LUZP1: variants seen among roughly 807,000 people sequenced by gnomAD.
The protein encoded by LUZP1 is filamin mechanobinding actin cross-linking protein.
A neutral mutation model predicts 71.3 loss-of-function variants in LUZP1; 25 were observed. The observed-to-expected ratio is 0.35, with a 90% CI of 0.26 to 0.49. The LOEUF (loss-of-function observed/expected upper bound fraction) is 0.49. Among genes scored for constraint, LUZP1 ranks in the 20% least tolerant of loss-of-function variants. LUZP1 has a pLI of 0.99. For missense variants in LUZP1, 1,142 were observed against 1,300.8 expected, an observed-to-expected ratio of 0.88 and a Z score of 1.88; for synonymous variants, 481 against 506.4, an observed-to-expected ratio of 0.95 and a Z score of 0.67.
intron 1 of LUZP1, among the ~76,000 whole-genome samples, chr1:23,172,972 G>A (rs1313074883): frequency 1.3e-5 from 2 of 150,820 alleles, no homozygotes; most frequent in Non-Finnish European, 3.0e-5. Context: ...ACAGGCCTGC[G>A]ACACCATGCC....
chr1:23,131,839 T>C (rs907059515), intron 2 of LUZP1, among the ~76,000 whole-genome samples: 1 of 152,070 alleles, frequency 6.6e-6, no homozygotes, highest in Non-Finnish European at 1.5e-5. Context: ...GCGCATGCCA[T>C]CACACCCAGC....
intron 2 of LUZP1, among the ~76,000 whole-genome samples, chr1:23,119,644 T>G (rs2124663431): frequency 6.6e-6 from 1 of 152,236 alleles, no homozygotes; most frequent in Non-Finnish European, 1.5e-5. Context: ...TGTCTACTTG[T>G]TACTCTCCTG....
intron 2 of LUZP1, among the ~76,000 whole-genome samples, 188 bp from the exon 2 acceptor site, chr1:23,109,315 A>G (rs1644009545): frequency 6.6e-6 from 1 of 152,200 alleles, no homozygotes; most frequent in Admixed American, 6.5e-5. Context: ...CTCTCTCAGG[A>G]AAGTCAAGAA....
intron 1 of LUZP1, among the ~76,000 whole-genome samples, chr1:23,169,971 T>TACACACACACACAC (rs35087847): frequency 6.7e-5 from 10 of 149,324 alleles, no homozygotes; most frequent in African/African-American, 2.2e-4. Context: ...TTCCTACCTT[T>TACACACACACACAC]ACACACACAC....
At chr1:23,119,336 A>G (rs1229624337) in intron 2 of LUZP1, among the ~76,000 whole-genome samples, 1 of 139,848 alleles carries the variant, frequency 7.2e-6, no homozygotes, top group African/African-American at 2.8e-5. Flanking sequence ...ACAGCTCACT[A>G]TAACCTCGAA....
At chr1:23,171,127 AT>A (rs1644550748) in intron 1 of LUZP1, among the ~76,000 whole-genome samples, 2 of 116,176 alleles carry the variant, frequency 1.7e-5, no homozygotes, top group Non-Finnish European at 3.4e-5. Context: ...TAATTACTGT[AT>A]GATTTATATA....
At chr1:23,086,607 A>T (rs1643770388) in exon 5 of LUZP1, 1 of 152,656 alleles carries the variant, frequency 6.6e-6, no homozygotes, top group Non-Finnish European at 1.5e-5. Flanking sequence ...AGCAGAGAAG[A>T]GCCACAGACT....
chr1:23,166,649 G>A (rs1644512182), intron 2 of LUZP1, among the ~76,000 whole-genome samples: 1 of 82,428 alleles, frequency 1.2e-5, no homozygotes, highest in Non-Finnish European at 2.0e-5. Context: ...AGAGCACTCC[G>A]TCTCAAAAAA....
chr1:23,086,126 A>G (rs1643761770), exon 5 of LUZP1: 1 of 152,278 alleles, frequency 6.6e-6, no homozygotes, highest in Non-Finnish European at 1.5e-5. Flanking sequence ...AGGACCCCTG[A>G]TGATGAGGCC....
chr1:23,138,693 GTGTGTA>G (rs1376632508), intron 2 of LUZP1, among the ~76,000 whole-genome samples: 13 of 107,240 alleles, frequency 1.2e-4, no homozygotes, highest in African/African-American at 7.1e-4. Flanking sequence ...GTGTGTGTGT[GTGTGTA>G]TATATATATA....
chr1:23,110,898 G>C (rs1488750207), intron 2 of LUZP1, among the ~76,000 whole-genome samples: 1 of 152,074 alleles, frequency 6.6e-6, no homozygotes, highest in Non-Finnish European at 1.5e-5. Flanking sequence ...CTCCCAAAGA[G>C]AAGAGTTACT....
intron 2 of LUZP1, among the ~76,000 whole-genome samples, chr1:23,114,679 G>T (rs1161835863): frequency 6.6e-6 from 1 of 152,212 alleles, no homozygotes; most frequent in African/African-American, 2.4e-5. Flanking sequence ...TTGCCAACAA[G>T]AAGGAATGAA....
At chr1:23,090,121 T>C (rs1026181344) in intron 4 of LUZP1, among the ~76,000 whole-genome samples, 2 of 102,750 alleles carry the variant, frequency 1.9e-5, no homozygotes, top group Non-Finnish European at 3.9e-5. Flanking sequence ...AAGAATAACA[T>C]AGGCATGAGT....
At chr1:23,152,313 T>C (rs1334055750) in intron 2 of LUZP1, among the ~76,000 whole-genome samples, 1 of 152,168 alleles carries the variant, frequency 6.6e-6, no homozygotes, top group African/African-American at 2.4e-5. Context: ...ACTGTATTTT[T>C]TTCCAAATGA....
In LUZP1 at chr1:23,169,378, G is replaced by C. The variant is rs144197710; in HGVS notation, c.-484-354C>G. Among the ~76,000 whole-genome samples the C allele has an allele frequency of 6.6e-4, 101 of 152,244 alleles. 1 individual carries two copies. The highest frequency in any genetic ancestry group is 2.4e-3 in the African/African-American group (98 of 41,550). On this transcript the variant is annotated intron_variant, in intron 1 of 4. Coordinates refer to ENST00000302291, the Ensembl canonical transcript of LUZP1. ...GAAAAAAGCGGGACACTCTCAGTAGGGTTGTGAGGATTAAATGAGATAATC... is the reference window on the plus strand; with the variant it reads ...GAAAAAAGCGGGACACTCTCAGTAGCGTTGTGAGGATTAAATGAGATAATC...
intron 2 of LUZP1, among the ~76,000 whole-genome samples, chr1:23,147,612 C>CAAAAA (rs774893320): frequency 4.9e-5 from 3 of 61,430 alleles, no homozygotes; most frequent in African/African-American, 1.3e-4. Context: ...AGTCTCTACC[C>CAAAAA]AAAAAAAAAA....
rs1012806562 is a variant in LUZP1, at chr1:23,092,767, C to G, written c.1495G>C (p.Gly499Arg). 8 of 1,613,888 alleles carry G rather than the reference C, an allele frequency of 5.0e-6. No individual in the cohort carries two copies. In the South Asian group the frequency reaches 6.6e-5, roughly 13 times the overall value. The change falls in exon 4 of 5, where the codon GGA (glycine) becomes CGA (arginine). Residue 499 changes from glycine to arginine, a missense_variant. Gly to Arg is a moderately radical substitution (Grantham distance 125). Coordinates refer to ENST00000302291, the Ensembl canonical transcript of LUZP1. ...GTCTTCTCCACTTTTCCCTTCAGTC[C>G]GCTCTCGGTGCCTGGCTTGGAAGTC...
chr1:23,123,991 TA>T (rs1469106806), intron 2 of LUZP1, among the ~76,000 whole-genome samples: 1 of 152,148 alleles, frequency 6.6e-6, no homozygotes, highest in African/African-American at 2.4e-5. Flanking sequence ...TCAGATGTCT[TA>T]GAGCACTGAA....
chr1:23,136,983 G>A (rs944989362), intron 2 of LUZP1, among the ~76,000 whole-genome samples: 1 of 152,114 alleles, frequency 6.6e-6, no homozygotes, highest in Admixed American at 6.5e-5. Context: ...GTAATCAAAG[G>A]CTTCTAGAAC....
Sources: allele counts gnomAD v4.1 joint callset (sites outside exome capture counted in the v4.1 genomes callset), GRCh38; gene constraint gnomAD v4.1.1; transcripts MANE v1.5; gene names NCBI Gene and HGNC (gene_info 2026-07-23, HGNC 2026-07-21).